SPSB1: variants seen among roughly 807,000 people sequenced by gnomAD.
SPSB1 encodes SPRY domain-containing SOCS box protein 1.
A neutral mutation model predicts 21.2 loss-of-function variants in SPSB1; 8 were observed. The ratio of observed to expected loss-of-function variants is 0.38; its 90% CI spans 0.22 to 0.68. SPSB1 has a LOEUF of 0.68. Among genes scored for constraint, SPSB1 ranks in the 30% least tolerant of loss-of-function variants. The pLI is 0.53. For missense variants in SPSB1, 242 were observed against 377.8 expected (o/e 0.64, Z 2.98); for synonymous variants, 169 against 161.7 (o/e 1.05, Z -0.34).
intron 1 of SPSB1, among the ~76,000 whole-genome samples, chr1:9,316,841 CT>C (rs1335376782): frequency 1.3e-5 from 2 of 152,204 alleles, no homozygotes; most frequent in African/African-American, 4.8e-5. Context: ...CTCCCTGCTC[CT>C]ATGACCTGGC....
chr1:9,326,435 G>A (rs1439007089), intron 1 of SPSB1, among the ~76,000 whole-genome samples: 2 of 152,234 alleles, frequency 1.3e-5, no homozygotes, highest in Non-Finnish European at 2.9e-5. Context: ...CACACTGCCT[G>A]GGCACAGTGG....
chr1:9,337,703 G>A (rs776133652), intron 1 of SPSB1, among the ~76,000 whole-genome samples: 6 of 152,186 alleles, frequency 3.9e-5, no homozygotes, highest in Admixed American at 1.3e-4. Flanking sequence ...CCTGGCCACC[G>A]GGGCCCTGAG....
At position 9,348,430 on chromosome 1, in the gene SPSB1, G is replaced by A. The variant is rs1358478155; in HGVS notation, c.-149-7313G>A. Among the ~76,000 whole-genome samples, 1 of 151,970 alleles carries A rather than the reference G, an allele frequency of 6.6e-6. No homozygotes were observed. Among genetic ancestry groups the A allele is most frequent in the Non-Finnish European group, 1.5e-5 (1 of 67,988 alleles). Reference sequence around the variant, plus strand: ...CCTCCAGGCTCCCTCAGCCTTCAGAGAGAATGGCTGCCCTAGATCATTAAA... The same window carrying A: ...CCTCCAGGCTCCCTCAGCCTTCAGAAAGAATGGCTGCCCTAGATCATTAAA... On this transcript the variant is annotated intron_variant, in intron 1 of 2. Coordinates refer to ENST00000328089, the MANE Select transcript of SPSB1 (RefSeq NM_025106.4). The surrounding 1 kb of genome is among the most constrained non-coding windows in gnomAD (Gnocchi z 4.8).
chr1:9,332,067 T>G (rs1639930961), intron 1 of SPSB1, among the ~76,000 whole-genome samples: 1 of 152,112 alleles, frequency 6.6e-6, no homozygotes, highest in African/African-American at 2.4e-5. Flanking sequence ...AAAAAAGCCT[T>G]GGCCAGACGA....
intron 1 of SPSB1, among the ~76,000 whole-genome samples, chr1:9,316,763 GGT>G (rs1639623920): frequency 6.6e-6 from 1 of 152,234 alleles, no homozygotes; most frequent in South Asian, 2.1e-4. Flanking sequence ...AGCGGCATTG[GGT>G]CTGGGTCTGG....
chr1:9,340,438 C>T (rs1640072741), intron 1 of SPSB1, among the ~76,000 whole-genome samples: 1 of 152,232 alleles, frequency 6.6e-6, no homozygotes, highest in South Asian at 2.1e-4. Flanking sequence ...GTTATGAAAA[C>T]GTGGGTCCCA....
chr1:9,300,343 G>A (rs914500567), intron 1 of SPSB1, among the ~76,000 whole-genome samples: 1 of 152,190 alleles, frequency 6.6e-6, no homozygotes, highest in Admixed American at 6.5e-5. Flanking sequence ...AGTTTTGAGT[G>A]GGGCCCGTAG....
At chr1:9,364,322 C>T (rs749179074) in intron 2 of SPSB1, among the ~76,000 whole-genome samples, 18 of 152,382 alleles carry the variant, frequency 1.2e-4, no homozygotes, top group African/African-American at 2.4e-4. Context: ...GACCTACTCC[C>T]GACAGCCAGG....
At chr1:9,304,601 G>C (rs570412708) in intron 1 of SPSB1, among the ~76,000 whole-genome samples, 5 of 152,296 alleles carry the variant, frequency 3.3e-5, no homozygotes, top group African/African-American at 1.2e-4. Context: ...TGAATGTGGG[G>C]TGTAGAGAAG....
chr1:9,341,202 C>A (rs920126556), intron 1 of SPSB1, among the ~76,000 whole-genome samples: 1 of 152,220 alleles, frequency 6.6e-6, no homozygotes, highest in African/African-American at 2.4e-5. Flanking sequence ...AGGTCCTGGC[C>A]CCCCGGCCTC....
At position 9,367,649 on chromosome 1, in the gene SPSB1, G is replaced by A. The variant is rs965559226; in HGVS notation, c.*74G>A. 7.0e-5 allele frequency: 105 copies of A among 1,500,658 alleles called. No individual in the cohort carries two copies. In the South Asian group the frequency reaches 8.5e-4, roughly 12 times the overall value. The allele number at this position is 1,500,658 out of a possible 1,614,324, so 93.0% of individuals were successfully genotyped here. On this transcript the variant is annotated 3_prime_UTR_variant, in exon 3 of 3. Transcript: ENST00000328089. This position sits in a 1 kb window ranked among gnomAD's most constrained non-coding sequence, Gnocchi z 5.9. ...TGAGCCGCCTGCCGCTGGGGCCGCC[G>A]CACCCTGCACCTTGGACCGGCATCC...
chr1:9,345,649 A>G lies in SPSB1; in HGVS notation c.-149-10094A>G, dbSNP rs1345565645. Among the ~76,000 whole-genome samples the G allele has an allele frequency of 2.0e-5, 3 of 152,102 alleles. No homozygotes were observed. The highest frequency in any genetic ancestry group is 4.4e-5 in the Non-Finnish European group (3 of 68,018). On this transcript the variant is annotated intron_variant, in intron 1 of 2. Transcript: ENST00000328089. The surrounding 1 kb of genome is among the most constrained non-coding windows in gnomAD (Gnocchi z 4.8). ...GACTATCATGCTGGTTTCCCAGGCC[A>G]TGGCTCCACTGATTCGAGCCCTCTG...
intron 1 of SPSB1, among the ~76,000 whole-genome samples, chr1:9,334,154 C>T (rs576656833): frequency 2.0e-5 from 3 of 152,254 alleles, no homozygotes; most frequent in South Asian, 4.1e-4. Flanking sequence ...GGTGCGATCT[C>T]GGCTCGTTGC....
intron 1 of SPSB1, among the ~76,000 whole-genome samples, chr1:9,354,075 A>G (rs561083982): frequency 6.6e-6 from 1 of 152,166 alleles, no homozygotes; most frequent in South Asian, 2.1e-4. Context: ...CCCCGGGAAC[A>G]GGGTCTCGTG....
chr1:9,313,417 GAAATA>G (rs369192172), intron 1 of SPSB1, among the ~76,000 whole-genome samples: 1,536 of 152,200 alleles, frequency 0.01, 9 homozygotes, highest in African/African-American at 0.012. Context: ...TCTATAAAAT[GAAATA>G]AAATAAAATA....
chr1:9,322,424 CTCTTT>C (rs1460246407), intron 1 of SPSB1, among the ~76,000 whole-genome samples: 1 of 152,224 alleles, frequency 6.6e-6, no homozygotes, highest in Non-Finnish European at 1.5e-5. Context: ...TCAGCAGATT[CTCTTT>C]TGTTATTCCT....
chr1:9,338,421 C>T (rs1421727913), intron 1 of SPSB1, among the ~76,000 whole-genome samples: 1 of 152,206 alleles, frequency 6.6e-6, no homozygotes, highest in East Asian at 1.9e-4. Flanking sequence ...TAAGGCCCCT[C>T]CAGGACAGCA....
At chr1:9,298,805 A>G (rs4319361) in intron 1 of SPSB1, among the ~76,000 whole-genome samples, 54,347 of 151,718 alleles carry the variant, frequency 0.36, 9,935 homozygotes, top group South Asian at 0.41. Context: ...CTGGTTCCAG[A>G]TTCAAAGTTG....
chr1:9,348,445 A>G lies in SPSB1; in HGVS notation c.-149-7298A>G, dbSNP rs1363785440. Among the ~76,000 whole-genome samples, 4 of 151,876 alleles carry G rather than the reference A, an allele frequency of 2.6e-5. No homozygotes were observed. Among genetic ancestry groups the G allele is most frequent in the African/African-American group, 9.7e-5 (4 of 41,334 alleles). On this transcript the variant is annotated intron_variant, in intron 1 of 2. Transcript: ENST00000328089. This position sits in a 1 kb window ranked among gnomAD's most constrained non-coding sequence, Gnocchi z 4.8. The stretch of plus-strand genomic sequence containing the variant: ...AGCCTTCAGAGAGAATGGCTGCCCT[A>G]GATCATTAAAGGCTGAAGACAGGTG...
Sources: allele counts gnomAD v4.1 joint callset (sites outside exome capture counted in the v4.1 genomes callset), GRCh38; gene constraint gnomAD v4.1.1; non-coding constraint Gnocchi (gnomAD v3.1); transcripts MANE v1.5; gene names NCBI Gene and HGNC (gene_info 2026-07-23, HGNC 2026-07-21).